TMEM132D: variants seen among roughly 807,000 people sequenced by gnomAD.
The protein encoded by TMEM132D is transmembrane protein 132D, also known as mature OL transmembrane protein.
A neutral mutation model predicts 62.3 loss-of-function variants in TMEM132D; 21 were observed. The observed-to-expected ratio is 0.34, with a 90% CI of 0.24 to 0.49. The LOEUF (loss-of-function observed/expected upper bound fraction) is 0.49. Ranked by LOEUF, TMEM132D falls within the 20% of genes least tolerant of loss-of-function variation. The pLI, the probability that TMEM132D is intolerant of heterozygous loss-of-function variation, is 0.99. For synonymous variants in TMEM132D, 621 were observed against 575.6 expected, an observed-to-expected ratio of 1.08 and a Z score of -1.13; for missense variants, 1,346 against 1,402.8, an observed-to-expected ratio of 0.96 and a Z score of 0.65.
intron 1 of TMEM132D, among the ~76,000 whole-genome samples, chr12:129,756,915 G>T (rs536939643): frequency 1.0e-3 from 153 of 152,192 alleles, no homozygotes; most frequent in African/African-American, 3.6e-3. Context: ...TTTTCTGGTG[G>T]ATGTCAGAGT....
chr12:129,895,176 C>T (rs547172131), intron 1 of TMEM132D, among the ~76,000 whole-genome samples: 23 of 152,250 alleles, frequency 1.5e-4, no homozygotes, highest in Admixed American at 6.5e-4. Flanking sequence ...AAGCATAGCA[C>T]CCCCCAGGTA....
rs144265202 is a variant in TMEM132D, at chr12:129,445,742, T to C, written c.1115+85317A>G. Among the ~76,000 whole-genome samples the C allele has an allele frequency of 3.7e-3, 566 of 152,240 alleles. 4 individuals carry two copies. The highest frequency in any genetic ancestry group is 0.013 in the African/African-American group (535 of 41,540). ...GGAGTTCACCCAAATAAACCACCCATAGTCACAGTTCACAGTATCACCTCC... is the reference window on the plus strand; with the variant it reads ...GGAGTTCACCCAAATAAACCACCCACAGTCACAGTTCACAGTATCACCTCC... On this transcript the variant is annotated intron_variant, in intron 3 of 8. Transcript: ENST00000422113.
In TMEM132D at chr12:129,604,110, G is replaced by A. The variant is rs146699191; in HGVS notation, c.969-72905C>T. 3.8e-3 allele frequency among the ~76,000 whole-genome samples: 584 copies of A among 152,200 alleles called. 15 individuals carry two copies. The highest frequency in any genetic ancestry group is 0.033 in the Admixed American group (504 of 15,280). On this transcript the variant is annotated intron_variant, in intron 2 of 8. Coordinates refer to ENST00000422113, the MANE Select transcript of TMEM132D (RefSeq NM_133448.3). ...ATGTTCTCACTCATAAGTGGGAGTTGAACAATGAGAACACATGGACACAAG... is the reference window on the plus strand; with the variant it reads ...ATGTTCTCACTCATAAGTGGGAGTTAAACAATGAGAACACATGGACACAAG...
At chr12:129,290,702 C>T (rs1881427571) in intron 4 of TMEM132D, among the ~76,000 whole-genome samples, 1 of 152,044 alleles carries the variant, frequency 6.6e-6, no homozygotes, top group Non-Finnish European at 1.5e-5. Flanking sequence ...GCCTTATTTG[C>T]AATATTTTAA....
intron 4 of TMEM132D, among the ~76,000 whole-genome samples, chr12:129,266,521 TCTCCC>T (rs1442298581): frequency 4.1e-5 from 6 of 146,952 alleles, no homozygotes; most frequent in Non-Finnish European, 9.0e-5. Flanking sequence ...TCTTATCTCC[TCTCCC>T]CTCCCCTCTC....
chr12:129,451,963 A>G (rs1003875469), intron 3 of TMEM132D, among the ~76,000 whole-genome samples: 1 of 152,220 alleles, frequency 6.6e-6, no homozygotes, highest in African/African-American at 2.4e-5. Context: ...GATGGTGAGT[A>G]GGCAAGTAGC....
intron 3 of TMEM132D, among the ~76,000 whole-genome samples, chr12:129,424,941 A>G (rs1306487422): frequency 1.3e-5 from 2 of 152,074 alleles, no homozygotes; most frequent in Non-Finnish European, 2.9e-5. Flanking sequence ...TTTACAGTCC[A>G]TCCCGCTCCC....
At chr12:129,146,535 G>GT in intron 5 of TMEM132D, among the ~76,000 whole-genome samples, 1 of 152,230 alleles carries the variant, frequency 6.6e-6, no homozygotes, top group East Asian at 1.9e-4. Context: ...ACACTACACA[G>GT]TAACAAATAA....
chr12:129,535,178 C>A (rs961049063), intron 2 of TMEM132D, among the ~76,000 whole-genome samples: 3 of 152,170 alleles, frequency 2.0e-5, no homozygotes, highest in Admixed American at 6.5e-5. Flanking sequence ...TCATGACCAT[C>A]CCAGCCAAGA....
At position 129,754,345 on chromosome 12, in the gene TMEM132D, A is replaced by T. The variant is rs147597611; in HGVS notation, c.80-53647T>A. On this transcript the variant is annotated intron_variant, in intron 1 of 8. Coordinates refer to ENST00000422113, the MANE Select transcript of TMEM132D (RefSeq NM_133448.3). ...TTCCCCCAGTCCAGCATAGCAAGAC[A>T]ATCAGAGAGTTGACATGTCTGGATG... Among the ~76,000 whole-genome samples the T allele has an allele frequency of 2.3e-3, 352 of 152,360 alleles. 4 individuals are homozygous for T. The highest frequency in any genetic ancestry group is 7.9e-3 in the African/African-American group (330 of 41,590).
intron 1 of TMEM132D, among the ~76,000 whole-genome samples, chr12:129,893,154 C>A (rs1382139096): frequency 6.6e-6 from 1 of 152,136 alleles, no homozygotes; most frequent in Admixed American, 6.5e-5. Flanking sequence ...GGATTACAGG[C>A]AGGAGCCACC....
chr12:129,171,947 C>G lies in TMEM132D; in HGVS notation c.1443+37573G>C, dbSNP rs147027532. 2.8e-3 allele frequency among the ~76,000 whole-genome samples: 432 copies of G among 152,308 alleles called. 3 individuals are homozygous for G. Among genetic ancestry groups the G allele is most frequent in the African/African-American group, 9.9e-3 (411 of 41,558 alleles). On this transcript the variant is annotated intron_variant, in intron 5 of 8. Transcript: ENST00000422113. Reference sequence around the variant, plus strand: ...AGTTACTAGGTGCATTACTCCCTGACAAGACAGTCAGCCTGTCCTTTGGAG... The same window carrying G: ...AGTTACTAGGTGCATTACTCCCTGAGAAGACAGTCAGCCTGTCCTTTGGAG...
intron 5 of TMEM132D, among the ~76,000 whole-genome samples, chr12:129,154,655 T>C (rs1289432489): frequency 6.6e-6 from 1 of 152,258 alleles, no homozygotes; most frequent in Non-Finnish European, 1.5e-5. Flanking sequence ...GTGATATCTA[T>C]ATCTGGTTCA....
At chr12:129,115,148 A>T (rs1474126635) in intron 5 of TMEM132D, among the ~76,000 whole-genome samples, 1 of 152,216 alleles carries the variant, frequency 6.6e-6, no homozygotes, top group African/African-American at 2.4e-5. Context: ...TGAACTTATC[A>T]CATAACTACC....
intron 3 of TMEM132D, among the ~76,000 whole-genome samples, chr12:129,402,703 T>G (rs970006022): frequency 6.6e-6 from 1 of 152,144 alleles, no homozygotes. Context: ...CCTAAGTCAG[T>G]TTTTTAAATT....
At chr12:129,759,940 C>G (rs1050290131) in intron 1 of TMEM132D, among the ~76,000 whole-genome samples, 1 of 151,890 alleles carries the variant, frequency 6.6e-6, no homozygotes, top group Non-Finnish European at 1.5e-5. Context: ...GGGTCTTGCT[C>G]TGTTGCCCAG....
At chr12:129,500,537 A>T (rs529292081) in intron 3 of TMEM132D, among the ~76,000 whole-genome samples, 481 of 151,756 alleles carry the variant, frequency 3.2e-3, no homozygotes, top group Admixed American at 6.5e-3. Context: ...CACAGCAGGT[A>T]AAACCTGCCC....
At chr12:129,736,335 T>C (rs1474149083) in intron 1 of TMEM132D, among the ~76,000 whole-genome samples, 4 of 152,242 alleles carry the variant, frequency 2.6e-5, no homozygotes, top group African/African-American at 7.2e-5. Context: ...TTACTGGCTA[T>C]AGAAATACAG....
chr12:129,868,607 C>G (rs551416874), intron 1 of TMEM132D, among the ~76,000 whole-genome samples: 1 of 152,270 alleles, frequency 6.6e-6, no homozygotes, highest in Non-Finnish European at 1.5e-5. Context: ...GTTGATTCAA[C>G]CCATTCTCTA....
Sources: allele counts gnomAD v4.1 joint callset (sites outside exome capture counted in the v4.1 genomes callset), GRCh38; gene constraint gnomAD v4.1.1; transcripts MANE v1.5; gene names NCBI Gene and HGNC (gene_info 2026-07-23, HGNC 2026-07-21).